SGCZ: variants seen among roughly 807,000 people sequenced by gnomAD.
SGCZ encodes the protein zeta-sarcoglycan.
A neutral mutation model predicts 41.3 loss-of-function variants in SGCZ; 40 were observed. That is an observed-to-expected ratio of 0.97 (90% CI 0.75 to 1.26). SGCZ has a LOEUF of 1.26. SGCZ is among the 50% of genes most tolerant of loss of function. The pLI, the probability that SGCZ is intolerant of heterozygous loss-of-function variation, is 0.00. For synonymous variants in SGCZ, 206 were observed against 137.5 expected (o/e 1.50, Z -3.49); for missense variants, 552 against 369.8 (o/e 1.49, Z -4.04).
intron 1 of SGCZ, among the ~76,000 whole-genome samples, chr8:14,914,398 G>A (rs1049545964): frequency 6.6e-6 from 1 of 151,856 alleles, no homozygotes; most frequent in Non-Finnish European, 1.5e-5. Context: ...TAATCATCCT[G>A]TATTTATGCT....
chr8:14,794,105 T>C (rs371284212), intron 1 of SGCZ, among the ~76,000 whole-genome samples: 256 of 152,168 alleles, frequency 1.7e-3, no homozygotes, highest in Non-Finnish European at 2.9e-3. Context: ...TTCAAGGAAG[T>C]TCAAAAATCA....
At chr8:14,453,858 C>A (rs768319872) in intron 2 of SGCZ, among the ~76,000 whole-genome samples, 61 of 152,146 alleles carry the variant, frequency 4.0e-4, no homozygotes, top group Admixed American at 7.9e-4. Context: ...ATACACAGAG[C>A]TTTAAATACA....
intron 2 of SGCZ, among the ~76,000 whole-genome samples, chr8:14,535,452 TTCAC>T (rs1424020122): frequency 2.6e-5 from 4 of 151,872 alleles, no homozygotes; most frequent in African/African-American, 9.7e-5. Flanking sequence ...CACCATGGAT[TTCAC>T]TCGATTAGCA....
At chr8:14,722,146 G>C (rs1809907027) in intron 1 of SGCZ, among the ~76,000 whole-genome samples, 1 of 152,124 alleles carries the variant, frequency 6.6e-6, no homozygotes, top group Admixed American at 6.6e-5. Flanking sequence ...AGAACTAGTA[G>C]TATAAAATGC....
rs73199263 is a variant in SGCZ, at chr8:14,753,455, T to C, written c.40-198529A>G. Among the ~76,000 whole-genome samples the C allele has an allele frequency of 5.1e-3, 782 of 152,340 alleles. 2 individuals carry two copies. Among genetic ancestry groups the C allele is most frequent in the Non-Finnish European group, 9.2e-3 (626 of 68,030 alleles). On this transcript the variant is annotated intron_variant, in intron 1 of 7. Coordinates refer to ENST00000382080, the MANE Select transcript of SGCZ (RefSeq NM_139167.4). Reference sequence around the variant, plus strand: ...ATTATGTGTAAGAGATGTGTTGCTATAGCATTGAAGAAGAAAATTTTTCAA... The same window carrying C: ...ATTATGTGTAAGAGATGTGTTGCTACAGCATTGAAGAAGAAAATTTTTCAA...
chr8:14,674,874 C>G (rs1344256665), intron 1 of SGCZ, among the ~76,000 whole-genome samples: 3 of 150,132 alleles, frequency 2.0e-5, no homozygotes, highest in Non-Finnish European at 4.4e-5. Context: ...TCCCCAGAAG[C>G]AGATGCCATC....
intron 1 of SGCZ, among the ~76,000 whole-genome samples, chr8:15,169,284 G>C (rs1799759708): frequency 6.6e-6 from 1 of 152,162 alleles, no homozygotes; most frequent in African/African-American, 2.4e-5. Context: ...AGGGAGGAGG[G>C]TGTCCTCAGA....
chr8:15,105,049 G>A (rs868188823), intron 1 of SGCZ, among the ~76,000 whole-genome samples: 21 of 152,082 alleles, frequency 1.4e-4, no homozygotes, highest in African/African-American at 5.1e-4. Flanking sequence ...AATGAATGTT[G>A]TCATTTTAAA....
chr8:14,192,895 T>TA (rs1428246878), intron 4 of SGCZ, among the ~76,000 whole-genome samples: 1 of 152,028 alleles, frequency 6.6e-6, no homozygotes, highest in African/African-American at 2.4e-5. Context: ...GACTATACTT[T>TA]ATACATTATA....
intron 1 of SGCZ, among the ~76,000 whole-genome samples, chr8:15,040,705 G>A (rs758641941): frequency 2.0e-5 from 3 of 152,078 alleles, no homozygotes; most frequent in Non-Finnish European, 4.4e-5. Flanking sequence ...GAAATACTGC[G>A]CATTATTATA....
intron 2 of SGCZ, among the ~76,000 whole-genome samples, chr8:14,548,839 G>C (rs1172913362): frequency 6.6e-6 from 1 of 152,060 alleles, no homozygotes; most frequent in Non-Finnish European, 1.5e-5. Context: ...TCAAGAAATT[G>C]TTCTATTCCA....
intron 2 of SGCZ, among the ~76,000 whole-genome samples, chr8:14,374,600 A>T (rs191500805): frequency 6.6e-6 from 1 of 152,198 alleles, no homozygotes; most frequent in Non-Finnish European, 1.5e-5. Flanking sequence ...ACAGTTGAAC[A>T]CGAAAAGCCT....
chr8:14,795,683 T>G, intron 1 of SGCZ, among the ~76,000 whole-genome samples: 1 of 152,314 alleles, frequency 6.6e-6, no homozygotes, highest in African/African-American at 2.4e-5. Context: ...TTTTAAACTT[T>G]CATTTCAAGT....
At chr8:14,803,517 C>T (rs1347972631) in intron 1 of SGCZ, among the ~76,000 whole-genome samples, 2 of 152,140 alleles carry the variant, frequency 1.3e-5, no homozygotes, top group Non-Finnish European at 2.9e-5. Flanking sequence ...CGCGCTTTTC[C>T]GATGGGCTTA....
intron 1 of SGCZ, among the ~76,000 whole-genome samples, chr8:14,800,501 G>A (rs1406020101): frequency 2.0e-5 from 3 of 152,142 alleles, no homozygotes; most frequent in Admixed American, 6.6e-5. Context: ...ATCTCATCAT[G>A]AATTGTAATT....
At chr8:14,490,606 G>T (rs569416694) in intron 2 of SGCZ, among the ~76,000 whole-genome samples, 1 of 152,244 alleles carries the variant, frequency 6.6e-6, no homozygotes, top group African/African-American at 2.4e-5. Flanking sequence ...AAAATTCATA[G>T]AAATAAGTGT....
chr8:15,097,861 T>TGTATATATATATATATACAC (rs1563124008), intron 1 of SGCZ, among the ~76,000 whole-genome samples: 16 of 16,964 alleles, frequency 9.4e-4, no homozygotes, highest in African/African-American at 3.9e-3. Context: ...TATATACGTG[T>TGTATATATATATATATACAC]GTGTGTATAT....
intron 4 of SGCZ, among the ~76,000 whole-genome samples, chr8:14,173,798 T>C (rs1435710773): frequency 1.3e-5 from 2 of 152,200 alleles, no homozygotes; most frequent in Non-Finnish European, 1.5e-5. Context: ...ATATCAATAA[T>C]TGCATTTTAA....
chr8:15,141,906 A>C (rs1808334591), intron 1 of SGCZ, among the ~76,000 whole-genome samples: 1 of 148,626 alleles, frequency 6.7e-6, no homozygotes, highest in African/African-American at 2.5e-5. Flanking sequence ...AAAAAAAAAA[A>C]AAACAAAAAA....
Sources: allele counts gnomAD v4.1 joint callset (sites outside exome capture counted in the v4.1 genomes callset), GRCh38; gene constraint gnomAD v4.1.1; transcripts MANE v1.5; gene names NCBI Gene and HGNC (gene_info 2026-07-23, HGNC 2026-07-21).